Variants in DKK3 observed in about 807,000 individuals in gnomAD.
DKK3 encodes the protein dickkopf-related protein 3.
Under a neutral mutation model 33.2 loss-of-function variants are expected in DKK3, and 22 were observed. That is an observed-to-expected ratio of 0.66 (90% CI 0.47 to 0.95). The LOEUF (loss-of-function observed/expected upper bound fraction) is 0.95. Among genes scored for constraint, DKK3 ranks in the 40% least tolerant of loss-of-function variants. The pLI, the probability that DKK3 is intolerant of heterozygous loss-of-function variation, is 0.00. For missense variants in DKK3, 398 were observed against 458.4 expected (o/e 0.87, Z 1.20); for synonymous variants, 194 against 188.8 (o/e 1.03, Z -0.23).
intron 3 of DKK3, among the ~76,000 whole-genome samples, chr11:11,983,500 C>A (rs920584443): frequency 1.3e-5 from 2 of 152,232 alleles, no homozygotes; most frequent in African/African-American, 4.8e-5. Flanking sequence ...GACCTGTAAT[C>A]CCTCCTGACA....
At chr11:11,997,932 G>A (rs1488266844) in intron 3 of DKK3, among the ~76,000 whole-genome samples, 1 of 152,034 alleles carries the variant, frequency 6.6e-6, no homozygotes, top group Admixed American at 6.6e-5. Context: ...GGATACAGGG[G>A]GGCTGGCTTC....
At chr11:11,969,959 G>C (rs945149050) in intron 3 of DKK3, among the ~76,000 whole-genome samples, 9 of 152,212 alleles carry the variant, frequency 5.9e-5, no homozygotes, top group African/African-American at 2.2e-4. Flanking sequence ...CAAGTGAAGG[G>C]ACTGAGTCTG....
At chr11:12,009,406 C>T, upstream of DKK3, 1 of 972,450 alleles carries the variant, frequency 1.0e-6, no homozygotes, top group Non-Finnish European at 1.2e-6. Flanking sequence ...CAGGCCCACC[C>T]CGCCCCGCGG....
At chr11:11,981,231 A>T (rs1171821059) in intron 3 of DKK3, among the ~76,000 whole-genome samples, 1 of 152,144 alleles carries the variant, frequency 6.6e-6, no homozygotes, top group Non-Finnish European at 1.5e-5. Context: ...CTGCCCTTTG[A>T]ACCAAGCCAC....
At position 12,008,593 on chromosome 11, in the gene DKK3, C is replaced by T. The variant is rs1848592928; in HGVS notation, c.-11G>A. The T allele has an allele frequency of 3.6e-6, 5 of 1,388,698 alleles. No individual in the cohort carries two copies. The East Asian group carries it at 8.9e-5, about 25-fold the overall frequency. The allele number at this position is 1,388,698 out of a possible 1,614,324, so 86.0% of individuals were successfully genotyped here. The stretch of plus-strand genomic sequence containing the variant: ...CCCAAGCCGCTGCATCTCCGCTCTG[C>T]GCCCGCAGCCGCCGCCTGTGTGTCC... On this transcript the variant is annotated 5_prime_UTR_variant, in exon 1 of 7. Transcript: ENST00000683431. This position sits in a 1 kb window ranked among gnomAD's most constrained non-coding sequence, Gnocchi z 4.6.
chr11:11,976,133 T>C (rs1481553251), intron 3 of DKK3, among the ~76,000 whole-genome samples: 1 of 152,208 alleles, frequency 6.6e-6, no homozygotes, highest in Non-Finnish European at 1.5e-5. Flanking sequence ...CAATGGGTCT[T>C]GTTTGTTAAT....
rs1456958426 is a variant in DKK3, at chr11:12,008,572, A to T, written c.11T>A (p.Leu4His). ...CAGCAGGCACAGCAGGGTGGCCCCA[A>T]GCCGCTGCATCTCCGCTCTGCGCCC... MQRLGATLLCLLLA... is the reference protein window; with the variant it reads MQRHGATLLCLLLA... Residue 4 changes from leucine to histidine, a missense_variant, in exon 1 of 7, where the codon CTT (leucine) becomes CAT (histidine). Coordinates refer to ENST00000683431, the MANE Select transcript of DKK3 (RefSeq NM_001018057.2). The surrounding 1 kb of genome is among the most constrained non-coding windows in gnomAD (Gnocchi z 4.6). The T allele has an allele frequency of 6.1e-6, 9 of 1,479,138 alleles. No individual in the cohort carries two copies. Among genetic ancestry groups the T allele is most frequent in the Middle Eastern group, 4.8e-4 (2 of 4,210 alleles). 91.6% of individuals were successfully genotyped at this position (1,479,138 alleles called of 1,614,324 possible).
chr11:11,995,430 G>A (rs1454957241), intron 3 of DKK3, among the ~76,000 whole-genome samples: 1 of 152,040 alleles, frequency 6.6e-6, no homozygotes, highest in Non-Finnish European at 1.5e-5. Context: ...GTACATGATT[G>A]AACTTACAGC....
intron 3 of DKK3, among the ~76,000 whole-genome samples, chr11:11,988,872 G>C (rs1848128360): frequency 1.3e-5 from 2 of 152,248 alleles, no homozygotes; most frequent in African/African-American, 4.8e-5. Context: ...ACTCAGGTCA[G>C]TGGCATCAGT....
At chr11:11,988,783 T>A (rs1324424514) in intron 3 of DKK3, among the ~76,000 whole-genome samples, 1 of 152,204 alleles carries the variant, frequency 6.6e-6, no homozygotes, top group African/African-American at 2.4e-5. Flanking sequence ...ATCTCCACGA[T>A]GCAGCCTGAG....
At chr11:12,006,266 C>G (rs1848534132) in intron 1 of DKK3, among the ~76,000 whole-genome samples, 1 of 152,160 alleles carries the variant, frequency 6.6e-6, no homozygotes, top group Non-Finnish European at 1.5e-5. Context: ...TCACAGGAAA[C>G]AAAGATCATG....
intron 3 of DKK3, among the ~76,000 whole-genome samples, chr11:11,975,340 A>AG (rs35017811): frequency 6.6e-6 from 1 of 152,210 alleles, no homozygotes; most frequent in African/African-American, 2.4e-5. Context: ...GTGGAGCCAC[A>AG]GGGACCAGAA....
intron 3 of DKK3, among the ~76,000 whole-genome samples, chr11:11,984,470 T>C (rs1032502095): frequency 9.9e-5 from 15 of 152,174 alleles, no homozygotes; most frequent in Non-Finnish European, 1.6e-4. Context: ...CATTTCAGAT[T>C]AAAGGAAGTG....
intron 1 of DKK3, among the ~76,000 whole-genome samples, chr11:12,007,298 G>A (rs1157149615): frequency 6.6e-6 from 1 of 152,180 alleles, no homozygotes; most frequent in African/African-American, 2.4e-5. Flanking sequence ...CCAGACCAGG[G>A]GCCAACCAGC....
rs1355458143 is a variant in DKK3 at position 11,964,613 on chromosome 11, T to TG, written c.903dup (p.Arg302GlnfsTer6). On this transcript the variant is annotated frameshift_variant, in exon 7 of 7. Coordinates refer to ENST00000683431, the MANE Select transcript of DKK3 (RefSeq NM_001018057.2). LOFTEE classifies it high-confidence loss of function. ...ACTTCATACTCATCGGGGACCTCTC[T>TG]GGGCAGCAGGATCTCCCCATCTTGG... 6.2e-7 allele frequency: 1 copy of TG among 1,614,078 alleles called. No homozygotes were observed. The highest frequency in any genetic ancestry group is 8.5e-7 in the Non-Finnish European group (1 of 1,180,048).
chr11:11,963,235 G>T lies in DKK3; in HGVS notation c.*1229C>A, dbSNP rs1337373303. ...TTTAAGAACTCTGGATGAATACATG[G>T]TGGCAACAGTCCATGACACCTGAAA... On this transcript the variant is annotated 3_prime_UTR_variant, in exon 7 of 7. Coordinates refer to ENST00000683431, the MANE Select transcript of DKK3 (RefSeq NM_001018057.2). 6.6e-6 allele frequency: 1 copy of T among 152,618 alleles called. No individual in the cohort carries two copies. Among genetic ancestry groups the T allele is most frequent in the Non-Finnish European group, 1.5e-5 (1 of 68,034 alleles). 9.5% of individuals were successfully genotyped at this position (152,618 alleles called of 1,614,324 possible).
chr11:11,977,182 C>T (rs1376207433), intron 3 of DKK3, among the ~76,000 whole-genome samples: 5 of 152,204 alleles, frequency 3.3e-5, no homozygotes, highest in Admixed American at 3.3e-4. Context: ...CAGAGCTTGG[C>T]ACCCCAGGGT....
chr11:11,996,134 G>T (rs981298929), intron 3 of DKK3, among the ~76,000 whole-genome samples: 3 of 152,178 alleles, frequency 2.0e-5, no homozygotes, highest in Non-Finnish European at 4.4e-5. Context: ...CATATGATTT[G>T]TCCTTTGCCA....
chr11:12,008,281 C>T lies in DKK3; in HGVS notation c.213+89G>A. 1 of 1,467,588 alleles carries T rather than the reference C, an allele frequency of 6.8e-7. No individual in the cohort carries two copies. The highest frequency in any genetic ancestry group is 9.0e-7 in the Non-Finnish European group (1 of 1,106,806). The allele number at this position is 1,467,588 out of a possible 1,614,324, so 90.9% of individuals were successfully genotyped here. ...CCAGGCCCTGCGCGGGACCCGAGGT[C>T]CCTGGCCAGCGCTCTTCCATGCCTT... On this transcript the variant is annotated intron_variant, in intron 1 of 6. Coordinates refer to ENST00000683431, the MANE Select transcript of DKK3 (RefSeq NM_001018057.2). The surrounding 1 kb of genome is among the most constrained non-coding windows in gnomAD (Gnocchi z 4.6).
Sources: gnomAD v4.1 joint callset for allele counts (sites outside exome capture counted in the v4.1 genomes callset) on GRCh38, gnomAD v4.1.1 for gene constraint, Gnocchi (gnomAD v3.1) non-coding constraint, MANE v1.5 for transcripts, NCBI Gene and HGNC (gene_info 2026-07-23, HGNC 2026-07-21) for gene names.